The following NCAM2 variants were observed in gnomAD, a reference collection of about 807,000 sequenced individuals.
NCAM2 encodes N-CAM-2.
In NCAM2, 30 loss-of-function variants were observed where a neutral mutation model predicts 98.1. The observed-to-expected ratio is 0.31, with a 90% CI of 0.23 to 0.41. NCAM2 has a LOEUF of 0.41. NCAM2 is among the 10% of genes least tolerant of loss of function. The pLI is 1.00. For missense variants in NCAM2, 867 were observed against 1,005.8 expected (o/e 0.86, Z 1.87); for synonymous variants, 368 against 342.4 (o/e 1.07, Z -0.83).
chr21:21,198,192 G>A (rs1404906368), intron 1 of NCAM2, among the ~76,000 whole-genome samples: 3 of 27,534 alleles, frequency 1.1e-4, no homozygotes, highest in African/African-American at 4.7e-4. Flanking sequence ...ATATGTGTGT[G>A]TGTGTGTGTG....
rs1239312335 is a variant in NCAM2, at chr21:21,106,468, G to T, written c.55+107850G>T. 3.3e-5 allele frequency among the ~76,000 whole-genome samples: 5 copies of T among 151,768 alleles called. 1 individual carries two copies. The highest frequency in any genetic ancestry group is 4.1e-4 in the South Asian group (2 of 4,824). ...ATAATCCAAAACTGTTGACAAAAATGTAAAATATAAAAAAGCTAAAACATT... is the reference window on the plus strand; with the variant it reads ...ATAATCCAAAACTGTTGACAAAAATTTAAAATATAAAAAAGCTAAAACATT... On this transcript the variant is annotated intron_variant, in intron 1 of 17. Transcript: ENST00000400546.
intron 15 of NCAM2, 62 bp downstream of exon 15, chr21:21,477,533 C>A: frequency 2.4e-6 from 3 of 1,246,976 alleles, no homozygotes; most frequent in South Asian, 2.1e-5. Context: ...TTTTTATAAC[C>A]CTTACTGACT....
chr21:21,229,208 C>A (rs2070516513), intron 1 of NCAM2, among the ~76,000 whole-genome samples: 1 of 151,324 alleles, frequency 6.6e-6, no homozygotes, highest in Non-Finnish European at 1.5e-5. Flanking sequence ...TAAAATATAC[C>A]TAAATGCATT....
At chr21:21,091,043 G>A (rs1343404984) in intron 1 of NCAM2, among the ~76,000 whole-genome samples, 1 of 152,122 alleles carries the variant, frequency 6.6e-6, no homozygotes, top group Non-Finnish European at 1.5e-5. Context: ...CAGAATGTTA[G>A]TTATTTGAAA....
chr21:21,309,178 T>G (rs2073968775), intron 5 of NCAM2, among the ~76,000 whole-genome samples: 1 of 152,182 alleles, frequency 6.6e-6, no homozygotes, highest in Non-Finnish European at 1.5e-5. Flanking sequence ...CCAATTATAT[T>G]TTATCCTCAT....
chr21:21,222,927 T>C (rs1568792586), intron 1 of NCAM2, among the ~76,000 whole-genome samples: 1 of 152,200 alleles, frequency 6.6e-6, no homozygotes, highest in South Asian at 2.1e-4. Context: ...ATTGTTGTCT[T>C]GTTTTAAGAA....
rs2076256671 is a variant in NCAM2 at position 21,385,654 on chromosome 21, G to A, written c.1195+11641G>A. 3.9e-6 allele frequency: 5 copies of A among 1,286,660 alleles called. No individual in the cohort carries two copies. In the East Asian group the frequency reaches 1.7e-4, roughly 43 times the overall value. 79.7% of individuals were successfully genotyped at this position (1,286,660 alleles called of 1,614,324 possible). A position where few individuals can be genotyped will look rare whatever the true frequency, so the allele number is the denominator to read the frequency against. On this transcript the variant is annotated intron_variant, in intron 9 of 17. Coordinates refer to ENST00000400546, the MANE Select transcript of NCAM2 (RefSeq NM_004540.5). ...CCAGTTCATTTTCAACATTTCCGAG[G>A]CGTTACTTTACTAAGAAGCAGGAAT...
At chr21:21,325,182 G>A (rs1379809501) in intron 6 of NCAM2, among the ~76,000 whole-genome samples, 1 of 152,110 alleles carries the variant, frequency 6.6e-6, no homozygotes, top group Admixed American at 6.6e-5. Context: ...ATATGCATTA[G>A]TAATGCAGGT....
Position 21,445,662 on chromosome 21 carries a change from C to CT in NCAM2, c.1654+13391dup, listed in dbSNP as rs1005431861. 4.2e-4 allele frequency among the ~76,000 whole-genome samples: 62 copies of CT among 148,836 alleles called. 1 individual carries two copies. Among genetic ancestry groups the CT allele is most frequent in the African/African-American group, 6.6e-4 (27 of 40,674 alleles). On this transcript the variant is annotated intron_variant, in intron 12 of 17. Transcript: ENST00000400546. ...TCAGAGACTAGGATTACAACTCCTG[C>CT]TTTTTTTTTTCTTGGTAAATTTTCC...
At chr21:21,446,207 A>T (rs569374651) in intron 12 of NCAM2, among the ~76,000 whole-genome samples, 1 of 152,214 alleles carries the variant, frequency 6.6e-6, no homozygotes, top group South Asian at 2.1e-4. Context: ...GTCTGCTGTT[A>T]GTCTGATGGG....
chr21:21,183,461 TG>T (rs1601589467), intron 1 of NCAM2, among the ~76,000 whole-genome samples: 1 of 152,178 alleles, frequency 6.6e-6, no homozygotes, highest in East Asian at 1.9e-4. Flanking sequence ...AGAGATGCCA[TG>T]GGGACATATT....
At chr21:21,085,195 G>A (rs1425588850) in intron 1 of NCAM2, among the ~76,000 whole-genome samples, 1 of 128,766 alleles carries the variant, frequency 7.8e-6, no homozygotes, top group Non-Finnish European at 1.6e-5. Context: ...TTTGTGTCTA[G>A]TTGGGGTTTT....
At chr21:21,393,435 G>A (rs977261687) in intron 9 of NCAM2, among the ~76,000 whole-genome samples, 2 of 151,956 alleles carry the variant, frequency 1.3e-5, no homozygotes, top group East Asian at 1.9e-4. Context: ...ATGCTAAAAC[G>A]GTTGTCCTGT....
intron 15 of NCAM2, among the ~76,000 whole-genome samples, chr21:21,493,458 A>T (rs1196111229): frequency 6.6e-6 from 1 of 151,918 alleles, no homozygotes; most frequent in Non-Finnish European, 1.5e-5. Context: ...CCCATATACC[A>T]TCTACCCCAG....
At chr21:21,503,596 C>T (rs184459991) in intron 15 of NCAM2, among the ~76,000 whole-genome samples, 1 of 151,836 alleles carries the variant, frequency 6.6e-6, no homozygotes, top group African/African-American at 2.4e-5. Flanking sequence ...CTATAGATAA[C>T]CGAAACTGCA....
At position 21,286,292 on chromosome 21, in the gene NCAM2, G is replaced by T. The variant is rs767308325; in HGVS notation, c.361G>T (p.Val121Leu). Residue 121 changes from valine (V) to leucine (L), a missense_variant, in exon 4 of 18, where the codon GTA becomes TTA. Transcript: ENST00000400546. ...AGAAAAACTCACTTTCAGAGAAGTGGTATCTCCACAAGAATTCAAACAAGG... is the reference window on the plus strand; with the variant it reads ...AGAAAAACTCACTTTCAGAGAAGTGTTATCTCCACAAGAATTCAAACAAGG... Reference protein sequence around the residue: ...IYQKLTFREVVSPQEFKQGED... With the variant: ...IYQKLTFREVLSPQEFKQGED... 2 of 1,608,686 alleles carry T rather than the reference G, an allele frequency of 1.2e-6. No individual in the cohort carries two copies. Among genetic ancestry groups the T allele is most frequent in the Admixed American group, 1.7e-5 (1 of 59,372 alleles).
In NCAM2 at chr21:21,346,722, C is replaced by G. The variant is rs982834051; in HGVS notation, c.1044+8188C>G. 6.6e-5 allele frequency among the ~76,000 whole-genome samples: 10 copies of G among 152,002 alleles called. 1 individual carries two copies. The South Asian group carries it at 1.2e-3, about 19-fold the overall frequency. On this transcript the variant is annotated intron_variant, in intron 8 of 17. Coordinates refer to ENST00000400546, the MANE Select transcript of NCAM2 (RefSeq NM_004540.5). ...CAAAACTAGAAATTAATAATGAGGA[C>G]TTTTTGAAAGTATAAAAATACATGG...
chr21:21,251,071 G>T (rs1249450472), intron 1 of NCAM2, among the ~76,000 whole-genome samples: 1 of 152,168 alleles, frequency 6.6e-6, no homozygotes, highest in African/African-American at 2.4e-5. Flanking sequence ...AGGATTAAAT[G>T]TGTCGTGATT....
chr21:21,423,304 T>C (rs999167006), intron 11 of NCAM2, among the ~76,000 whole-genome samples: 1 of 152,164 alleles, frequency 6.6e-6, no homozygotes, highest in Admixed American at 6.6e-5. Context: ...TTCCAAGAGG[T>C]ACCTGGTAAC....
Sources: gnomAD v4.1 joint callset for allele counts (sites outside exome capture counted in the v4.1 genomes callset) on GRCh38, gnomAD v4.1.1 for gene constraint, MANE v1.5 for transcripts, NCBI Gene and HGNC (gene_info 2026-07-23, HGNC 2026-07-21) for gene names.